The following ANKRD28 variants were observed in gnomAD, a reference collection of about 807,000 sequenced individuals.
ANKRD28 encodes the protein serine/threonine-protein phosphatase 6 regulatory ankyrin repeat subunit A.
A neutral mutation model predicts 126.5 loss-of-function variants in ANKRD28; 44 were observed. That is an observed-to-expected ratio of 0.35 (90% CI 0.27 to 0.45). The LOEUF (loss-of-function observed/expected upper bound fraction) is 0.45, where lower values mean the gene tolerates loss of function less well. Ranked by LOEUF, ANKRD28 falls within the 20% of genes least tolerant of loss-of-function variation. The pLI is 1.00. For synonymous variants in ANKRD28, 442 were observed against 468.5 expected (o/e 0.94, Z 0.73); for missense variants, 1,110 against 1,316.6 (o/e 0.84, Z 2.43).
At chr3:15,850,741 T>C (rs1189616828) in intron 1 of ANKRD28, among the ~76,000 whole-genome samples, 1 of 152,218 alleles carries the variant, frequency 6.6e-6, no homozygotes, top group Non-Finnish European at 1.5e-5. Flanking sequence ...TATCCTTTTG[T>C]AACATCCTTT....
At chr3:15,686,426 T>G (rs577173519) in intron 18 of ANKRD28, 117 bp from the exon 19 acceptor site, 7 of 788,024 alleles carry the variant, frequency 8.9e-6, no homozygotes, top group Admixed American at 5.1e-5. Context: ...GAATTTAATA[T>G]GCAAGAATGA....
At chr3:15,695,246 CT>C (rs1174320314) in intron 15 of ANKRD28, 32 bp from the exon 16 acceptor site, 2 of 1,505,850 alleles carry the variant, frequency 1.3e-6, no homozygotes, top group Admixed American at 1.9e-5. Context: ...AAATATTTAG[CT>C]TGGGAAGTAT....
intron 1 of ANKRD28, among the ~76,000 whole-genome samples, chr3:15,858,174 G>C (rs1427276635): frequency 6.6e-6 from 1 of 152,180 alleles, no homozygotes; most frequent in Non-Finnish European, 1.5e-5. Context: ...TATGGAACTT[G>C]GTTTAATTTC....
chr3:15,771,838 A>G (rs1251327163), intron 2 of ANKRD28, among the ~76,000 whole-genome samples: 1 of 152,246 alleles, frequency 6.6e-6, no homozygotes, highest in Non-Finnish European at 1.5e-5. Flanking sequence ...AAATCATACT[A>G]AGTATGTTCT....
At chr3:15,777,072 G>A (rs770640136) in intron 2 of ANKRD28, among the ~76,000 whole-genome samples, 72 of 151,998 alleles carry the variant, frequency 4.7e-4, no homozygotes, top group Non-Finnish European at 5.9e-4. Flanking sequence ...TCAGGAGATC[G>A]AGACCATCCT....
At chr3:15,705,006 TA>T (rs2071163299) in intron 14 of ANKRD28, among the ~76,000 whole-genome samples, 1 of 152,284 alleles carries the variant, frequency 6.6e-6, no homozygotes, top group East Asian at 1.9e-4. Context: ...CTTTTACAAA[TA>T]AAGAATATTT....
intron 8 of ANKRD28, among the ~76,000 whole-genome samples, chr3:15,719,740 G>C (rs1257228418): frequency 6.6e-6 from 1 of 151,868 alleles, no homozygotes; most frequent in Non-Finnish European, 1.5e-5. Context: ...TTTTGGTAGA[G>C]ATAGAGGTCT....
intron 6 of ANKRD28, among the ~76,000 whole-genome samples, chr3:15,728,716 G>A (rs1331150129): frequency 6.6e-6 from 1 of 152,144 alleles, no homozygotes; most frequent in Non-Finnish European, 1.5e-5. Flanking sequence ...CTGCCTTACT[G>A]GAATCGTTTC....
At chr3:15,791,032 T>C (rs954596739) in intron 2 of ANKRD28, among the ~76,000 whole-genome samples, 1 of 152,058 alleles carries the variant, frequency 6.6e-6, no homozygotes, top group Non-Finnish European at 1.5e-5. Context: ...CTGTTTACAA[T>C]AGCCATACAT....
At chr3:15,785,729 T>C (rs2059749660) in intron 2 of ANKRD28, among the ~76,000 whole-genome samples, 1 of 152,080 alleles carries the variant, frequency 6.6e-6, no homozygotes, top group Admixed American at 6.6e-5. Context: ...GCTGAAAATA[T>C]ACGTCCCAAC....
At chr3:15,722,415 T>C (rs2073828210) in intron 7 of ANKRD28, among the ~76,000 whole-genome samples, 1 of 152,192 alleles carries the variant, frequency 6.6e-6, no homozygotes, top group African/African-American at 2.4e-5. Context: ...AAGGGAAATT[T>C]TGCCTTTAGA....
Position 15,685,291 on chromosome 3 carries a change from A to G in ANKRD28, c.2324T>C (p.Met775Thr). 6.2e-7 allele frequency: 1 copy of G among 1,614,012 alleles called. No individual in the cohort carries two copies. The highest frequency in any genetic ancestry group is 8.5e-7 in the Non-Finnish European group (1 of 1,179,880). The change falls in exon 21 of 28, where the codon ATG (methionine) becomes ACG (threonine). Residue 775 changes from methionine (M) to threonine (T), a missense_variant. Transcript: ENST00000683139. The stretch of plus-strand genomic sequence containing the variant: ...GTCTGCTGTGGCTGGATTTGCATCC[A>G]TAGATGCTGCTGACTGCAAAAGGGC... ...LGALLQSAAS[M>T]DANPATADNH...
intron 4 of ANKRD28, among the ~76,000 whole-genome samples, chr3:15,747,674 G>C (rs1261526623): frequency 1.3e-5 from 2 of 152,154 alleles, no homozygotes; most frequent in South Asian, 2.1e-4. Context: ...TTCTGCAGTT[G>C]TTTGGTAGAC....
intron 8 of ANKRD28, among the ~76,000 whole-genome samples, 159 bp downstream of exon 8, chr3:15,720,756 T>C (rs1393819057): frequency 6.6e-6 from 1 of 152,214 alleles, no homozygotes; most frequent in Non-Finnish European, 1.5e-5. Context: ...AGAATGTACA[T>C]ACTCTTGAGT....
At chr3:15,825,766 T>C (rs2061052082) in intron 1 of ANKRD28, among the ~76,000 whole-genome samples, 1 of 151,966 alleles carries the variant, frequency 6.6e-6, no homozygotes, top group Admixed American at 6.6e-5. Context: ...ATAATAGAGA[T>C]ATATACTTAC....
At position 15,737,158 on chromosome 3, in the gene ANKRD28, T is replaced by C. The variant is rs2075072775; in HGVS notation, c.427A>G (p.Ile143Val). 2 of 1,614,040 alleles carry C rather than the reference T, an allele frequency of 1.2e-6. No homozygotes were observed. The highest frequency in any genetic ancestry group is 1.7e-6 in the Non-Finnish European group (2 of 1,179,900). Residue 143 changes from isoleucine to valine, a missense_variant, in exon 5 of 28, where the codon ATA becomes GTA. Transcript: ENST00000683139. ...RDKNWQTPLH[I>V]AAANKAVKCA... ...TTTACAGCTTTATTAGCAGCAGCTA[T>C]ATGTAAAGGGGTTTGCCAATTTTTG... is the stretch of plus-strand genomic sequence containing the variant.
intron 3 of ANKRD28, among the ~76,000 whole-genome samples, chr3:15,762,221 A>AC (rs756528519): frequency 0.12 from 11,632 of 100,194 alleles, 529 homozygotes; most frequent in East Asian, 0.39. Context: ...AAACAAAACA[A>AC]AAAAAAAAAA....
At chr3:15,696,103 T>G (rs2470547) in intron 15 of ANKRD28, 31 bp downstream of exon 15, 1 of 1,366,554 alleles carries the variant, frequency 7.3e-7, no homozygotes, top group South Asian at 1.2e-5. Context: ...AAACTCCCAT[T>G]AGGTCTTTCA....
chr3:15,677,130 A>G (rs1253843829), intron 25 of ANKRD28, 74 bp from the exon 26 acceptor site: 4 of 1,172,188 alleles, frequency 3.4e-6, no homozygotes, highest in African/African-American at 3.0e-5. Context: ...ACAATCTGCA[A>G]TCCTAGTCCA....
Sources: allele counts gnomAD v4.1 joint callset (sites outside exome capture counted in the v4.1 genomes callset), GRCh38; gene constraint gnomAD v4.1.1; transcripts MANE v1.5; gene names NCBI Gene and HGNC (gene_info 2026-07-23, HGNC 2026-07-21).